Variants in BUD23 observed in about 807,000 individuals in gnomAD.
The protein encoded by BUD23 is 18S rRNA (guanine-N(7))-methyltransferase.
In BUD23, 34 loss-of-function variants were observed where a neutral mutation model predicts 47.0. The observed-to-expected ratio is 0.72, with a 90% CI of 0.55 to 0.96. The LOEUF (loss-of-function observed/expected upper bound fraction) is 0.96. Among genes scored for constraint, BUD23 ranks in the 40% least tolerant of loss-of-function variants. The pLI, the probability that BUD23 is intolerant of heterozygous loss-of-function variation, is 0.00. For missense variants in BUD23, 343 were observed against 361.2 expected (o/e 0.95, Z 0.41); for synonymous variants, 124 against 132.0 (o/e 0.94, Z 0.41).
rs78153604 is a variant in BUD23 at position 73,686,935 on chromosome 7, C to T, written c.265+35C>T. ...TCCTGTCTGGCACCAGGGTGGATTA[C>T]CCTGATGGGTGTGGAGAAGCCACAG... On this transcript the variant is annotated intron_variant, in intron 4 of 11. Coordinates refer to ENST00000265758, the MANE Select transcript of BUD23 (RefSeq NM_017528.5). The T allele has an allele frequency of 3.7e-3, 5,956 of 1,613,978 alleles. 204 individuals are homozygous for T. In the African/African-American group the frequency reaches 0.07, roughly 19 times the overall value.
At chr7:73,694,089 G>A (rs374276477) in intron 10 of BUD23, 39 bp downstream of exon 10, 61 of 1,586,778 alleles carry the variant, frequency 3.8e-5, no homozygotes, top group Non-Finnish European at 5.0e-5. Flanking sequence ...CTGCAGCGGG[G>A]GCTGCCACAT....
At chr7:73,697,106 C>A in intron 10 of BUD23, 1 of 313,946 alleles carries the variant, frequency 3.2e-6, no homozygotes, top group South Asian at 3.3e-5. Context: ...CGGATGGTCA[C>A]AGGGGTCTTC....
chr7:73,694,390 C>T (rs1798314324), intron 10 of BUD23: 1 of 256,824 alleles, frequency 3.9e-6, no homozygotes, highest in African/African-American at 2.3e-5. Context: ...CTCTCCCTTC[C>T]TTCCTGCATC....
intron 10 of BUD23, 197 bp downstream of exon 10, chr7:73,694,247 C>A: frequency 1.8e-6 from 1 of 563,520 alleles, no homozygotes; most frequent in Non-Finnish European, 3.0e-6. Context: ...TGTCTGGGTG[C>A]AGCCATGCAG....
At chr7:73,697,541 G>C in intron 10 of BUD23, 64 bp from the exon 11 acceptor site, 1 of 1,611,540 alleles carries the variant, frequency 6.2e-7, no homozygotes, top group Non-Finnish European at 8.5e-7. Flanking sequence ...GATTCACATG[G>C]GGGCCAGTCG....
At chr7:73,686,115 A>G (rs1423576917) in intron 2 of BUD23, among the ~76,000 whole-genome samples, 2 of 149,936 alleles carry the variant, frequency 1.3e-5, no homozygotes, top group South Asian at 2.1e-4. Context: ...AAAAAAAAAT[A>G]TGACTCCAGT....
At chr7:73,693,298 G>T (rs369510957) in intron 7 of BUD23, 31 bp from the exon 8 acceptor site, 110 of 1,599,480 alleles carry the variant, frequency 6.9e-5, no homozygotes, top group Middle Eastern at 1.6e-4. Context: ...CTCAACCTCC[G>T]CTGCCTGACC....
chr7:73,686,936 C>T (rs782474060), intron 4 of BUD23, 36 bp downstream of exon 4: 2 of 1,613,968 alleles, frequency 1.2e-6, no homozygotes, highest in South Asian at 2.2e-5. Context: ...GGTGGATTAC[C>T]CTGATGGGTG....
chr7:73,686,507 C>T, intron 2 of BUD23, 129 bp from the exon 3 acceptor site: 1 of 820,080 alleles, frequency 1.2e-6, no homozygotes. Context: ...GAAAAGAGTA[C>T]CTCGGGATGA....
At chr7:73,685,271 C>A (rs1554612779) in intron 2 of BUD23, among the ~76,000 whole-genome samples, 3 of 152,186 alleles carry the variant, frequency 2.0e-5, no homozygotes, top group Admixed American at 6.5e-5. Flanking sequence ...CAGAGTGAGA[C>A]CCTGACTCAA....
intron 2 of BUD23, among the ~76,000 whole-genome samples, chr7:73,685,178 G>T (rs1797915636): frequency 6.6e-6 from 1 of 152,102 alleles, no homozygotes; most frequent in Non-Finnish European, 1.5e-5. Context: ...CCTACGGGAG[G>T]CTGAGGCAGG....
At chr7:73,686,079 A>G (rs1202361275) in intron 2 of BUD23, among the ~76,000 whole-genome samples, 3 of 146,960 alleles carry the variant, frequency 2.0e-5, no homozygotes, top group African/African-American at 7.7e-5. Flanking sequence ...CTGGGCGACA[A>G]CAGAGCAAGA....
intron 5 of BUD23, among the ~76,000 whole-genome samples, chr7:73,690,048 G>A (rs782340946): frequency 1.3e-5 from 2 of 152,214 alleles, no homozygotes; most frequent in Non-Finnish European, 2.9e-5. Context: ...TTGCTCTGTT[G>A]TCCAGGCTGG....
chr7:73,697,233 T>C (rs376507640), intron 10 of BUD23: 193 of 566,110 alleles, frequency 3.4e-4, no homozygotes, highest in African/African-American at 3.3e-3. Flanking sequence ...GCTCCTGCTG[T>C]GAACTGTCGA....
chr7:73,685,055 C>T (rs1554612704), intron 2 of BUD23, among the ~76,000 whole-genome samples: 2 of 151,006 alleles, frequency 1.3e-5, no homozygotes. Context: ...ACCAGTAATC[C>T]CAGCCCTGTG....
Position 73,687,089 on chromosome 7 carries a change from G to A in BUD23, c.356G>A (p.Cys119Tyr). 2 of 1,613,456 alleles carry A rather than the reference G, an allele frequency of 1.2e-6. No homozygotes were observed. Among genetic ancestry groups the A allele is most frequent in the Non-Finnish European group, 1.7e-6 (2 of 1,180,006 alleles). Residue 119 changes from cysteine (C) to tyrosine (Y), a missense_variant, in exon 5 of 12, where the codon TGC becomes TAC. Physicochemically the swap from Cys to Tyr is radical, Grantham distance 194 (BLOSUM62 -2). Transcript: ENST00000265758. ...TTCAAGCCAGGCACATTTGATGGTTGCATCAGGTGAGGGTCTTTAATTCCT... is the reference window on the plus strand; with the variant it reads ...TTCAAGCCAGGCACATTTGATGGTTACATCAGGTGAGGGTCTTTAATTCCT... Reference protein sequence around the residue: ...IPFKPGTFDGCISISAVQWLC... With the variant: ...IPFKPGTFDGYISISAVQWLC...
Position 73,697,646 on chromosome 7 carries a change from G to T in BUD23, c.743G>T (p.Ser248Ile), listed in dbSNP as rs1554615083. Residue 248 changes from serine (S) to isoleucine (I), a missense_variant, in exon 11 of 12, where the codon AGT (serine) becomes ATT (isoleucine). Transcript: ENST00000265758. ...TCGAGGCGGGGAATGGTGAGGAAGA[G>T]TCGGGCATGGGTGCTGGAGAAGAAG... ...RMSRRGMVRKSRAWVLEKKER... is the reference protein window; with the variant it reads ...RMSRRGMVRKIRAWVLEKKER... 6.2e-7 allele frequency: 1 copy of T among 1,613,616 alleles called. No homozygotes were observed. Among genetic ancestry groups the T allele is most frequent in the African/African-American group, 1.3e-5 (1 of 74,928 alleles).
intron 6 of BUD23, among the ~76,000 whole-genome samples, chr7:73,691,814 A>G: frequency 6.6e-6 from 1 of 151,940 alleles, no homozygotes; most frequent in Admixed American, 6.6e-5. Context: ...TATGTTGCCC[A>G]GGCTGGTGTT....
In BUD23 at chr7:73,686,955, C is replaced by T. The variant is rs914619949; in HGVS notation, c.266-44C>T. The T allele has an allele frequency of 2.5e-6, 4 of 1,613,812 alleles. No homozygotes were observed. In the African/African-American group the frequency reaches 5.3e-5, roughly 22 times the overall value. ...GATTACCCTGATGGGTGTGGAGAAG[C>T]CACAGGTATTTCTCTTTCTCTGACT... is the stretch of plus-strand genomic sequence containing the variant. On this transcript the variant is annotated intron_variant, in intron 4 of 11. Transcript: ENST00000265758.
Sources: gnomAD v4.1 joint callset for allele counts (sites outside exome capture counted in the v4.1 genomes callset) on GRCh38, gnomAD v4.1.1 for gene constraint, MANE v1.5 for transcripts, NCBI Gene and HGNC (gene_info 2026-07-23, HGNC 2026-07-21) for gene names.